AFG2A: variants seen among roughly 807,000 people sequenced by gnomAD.
The protein encoded by AFG2A is ATPase family gene 2 protein homolog A.
the AFG2A span, among the ~76,000 whole-genome samples, chr4:123,187,030 A>G: frequency 6.6e-6 from 1 of 152,194 alleles, no homozygotes; most frequent in Non-Finnish European, 1.5e-5. Context: ...GGATGAGCCT[A>G]GATACAAAGG....
chr4:123,234,833 T>TA, the AFG2A span, among the ~76,000 whole-genome samples: 1 of 152,056 alleles, frequency 6.6e-6, no homozygotes, highest in Non-Finnish European at 1.5e-5. Context: ...CCCCACCACT[T>TA]ACCAGCTATG....
chr4:123,127,871 A>G, the AFG2A span, among the ~76,000 whole-genome samples: 1 of 152,162 alleles, frequency 6.6e-6, no homozygotes, highest in African/African-American at 2.4e-5. Context: ...GGCTGGCTGC[A>G]AACAACTAGT....
At chr4:123,148,314 TG>T in the AFG2A span, among the ~76,000 whole-genome samples, 1 of 152,202 alleles carries the variant, frequency 6.6e-6, no homozygotes, top group Non-Finnish European at 1.5e-5. Flanking sequence ...CTCCACATTT[TG>T]TTGAAAAGTG....
chr4:122,959,037 C>G, the AFG2A span, among the ~76,000 whole-genome samples: 976 of 152,236 alleles, frequency 6.4e-3, 13 homozygotes, highest in African/African-American at 0.022. Flanking sequence ...CCTGCTGATT[C>G]CTGTAGGTCC....
the AFG2A span, among the ~76,000 whole-genome samples, chr4:123,061,877 T>C: frequency 6.6e-6 from 1 of 152,214 alleles, no homozygotes; most frequent in Non-Finnish European, 1.5e-5. Context: ...TCCACAGTTA[T>C]GTGACATCAG....
chr4:123,288,919 G>T, the AFG2A span, among the ~76,000 whole-genome samples: 1 of 152,098 alleles, frequency 6.6e-6, no homozygotes, highest in Non-Finnish European at 1.5e-5. Context: ...GGCCTCATTG[G>T]TCCCGGCCTT....
At chr4:122,974,859 C>T in the AFG2A span, among the ~76,000 whole-genome samples, 1 of 151,998 alleles carries the variant, frequency 6.6e-6, no homozygotes, top group Non-Finnish European at 1.5e-5. Context: ...AGGCTGGTCT[C>T]GAACTCTTGA....
At chr4:122,924,424 G>A in the AFG2A span, among the ~76,000 whole-genome samples, 11 of 152,088 alleles carry the variant, frequency 7.2e-5, no homozygotes, top group African/African-American at 2.4e-4. Context: ...TCTCCGTGTT[G>A]ATAAACCTTA....
chr4:122,990,868 C>T, the AFG2A span, among the ~76,000 whole-genome samples: 4 of 152,218 alleles, frequency 2.6e-5, no homozygotes, highest in Non-Finnish European at 2.9e-5. Context: ...AAATTGCCGG[C>T]GCAAGCCACC....
chr4:122,923,416 T>A, the AFG2A span: 2 of 1,436,218 alleles, frequency 1.4e-6, no homozygotes, highest in Non-Finnish European at 1.9e-6. Context: ...GGGCGTGGCA[T>A]GGGTCTGAGA....
the AFG2A span, among the ~76,000 whole-genome samples, chr4:123,170,703 A>G: frequency 1.3e-5 from 2 of 152,212 alleles, no homozygotes; most frequent in Non-Finnish European, 2.9e-5. Context: ...TATTAGCATG[A>G]GGCAAACAGC....
the AFG2A span, among the ~76,000 whole-genome samples, chr4:123,172,767 G>A: frequency 0.021 from 3,225 of 152,068 alleles, 65 homozygotes; most frequent in Non-Finnish European, 0.035. Flanking sequence ...TACAATACTG[G>A]GACTACTATA....
At chr4:123,231,514 C>T in the AFG2A span, among the ~76,000 whole-genome samples, 12 of 151,984 alleles carry the variant, frequency 7.9e-5, no homozygotes, top group African/African-American at 2.7e-4. Flanking sequence ...CCAGATCACT[C>T]GAAGTTTCTC....
At chr4:123,000,384 G>C in the AFG2A span, among the ~76,000 whole-genome samples, 2 of 151,694 alleles carry the variant, frequency 1.3e-5, no homozygotes, top group Non-Finnish European at 2.9e-5. Flanking sequence ...TCTTGTGCCA[G>C]TTTTCAAAGG....
the AFG2A span, among the ~76,000 whole-genome samples, chr4:123,092,356 C>G: frequency 2.6e-5 from 4 of 152,126 alleles, no homozygotes; most frequent in Non-Finnish European, 5.9e-5. Context: ...TTAATAAGCT[C>G]TAAAATGTCT....
chr4:123,143,960 G>A, the AFG2A span, among the ~76,000 whole-genome samples: 4 of 150,882 alleles, frequency 2.7e-5, no homozygotes, highest in Admixed American at 6.6e-5. Context: ...GCTATATAAT[G>A]TTTTCATCGT....
chr4:123,104,680 C>T, the AFG2A span, among the ~76,000 whole-genome samples: 69 of 152,276 alleles, frequency 4.5e-4, no homozygotes, highest in Middle Eastern at 6.8e-3. Context: ...AGCAAAACAG[C>T]CTTATTACTG....
the AFG2A span, among the ~76,000 whole-genome samples, chr4:122,943,748 TG>T: frequency 6.6e-6 from 1 of 152,382 alleles, no homozygotes; most frequent in South Asian, 2.1e-4. Context: ...CTTTACATTT[TG>T]GCATGATTTT....
the AFG2A span, among the ~76,000 whole-genome samples, chr4:123,182,054 G>T: frequency 2.6e-5 from 4 of 152,224 alleles, no homozygotes; most frequent in Non-Finnish European, 5.9e-5. Flanking sequence ...GAAACTCTGA[G>T]TTTCTACTTC....
Sources: gnomAD v4.1 joint callset for allele counts (sites outside exome capture counted in the v4.1 genomes callset) on GRCh38, gnomAD v4.1.1 for gene constraint, MANE v1.5 for transcripts, NCBI Gene and HGNC (gene_info 2026-07-23, HGNC 2026-07-21) for gene names.